NBPF11: variants seen among roughly 807,000 people sequenced by gnomAD.
The protein encoded by NBPF11 is NBPF family member NBPF11.
Under a neutral mutation model 93.9 loss-of-function variants are expected in NBPF11, and 72 were observed. The ratio of observed to expected loss-of-function variants is 0.77; its 90% CI spans 0.63 to 0.93. The LOEUF is 0.93. NBPF11 is among the 40% of genes least tolerant of loss of function. NBPF11 has a pLI of 0.00. For missense variants in NBPF11, 705 were observed against 802.2 expected (o/e 0.88, Z 1.46); for synonymous variants, 224 against 304.9 (o/e 0.73, Z 2.76).
chr1:148,113,180 G>A (rs1665716157), intron 15 of NBPF11, among the ~76,000 whole-genome samples: 2 of 152,106 alleles, frequency 1.3e-5, no homozygotes, highest in South Asian at 4.1e-4. Flanking sequence ...ATGGCAAATT[G>A]GATAAAGAGT....
intron 1 of NBPF11, among the ~76,000 whole-genome samples, chr1:148,150,855 G>C (rs1277344513): frequency 2.6e-5 from 4 of 151,532 alleles, no homozygotes; most frequent in African/African-American, 9.8e-5. Context: ...AGCCTCCCGA[G>C]TAGCTGGGAC....
intron 17 of NBPF11, 128 bp from the exon 18 acceptor site, chr1:148,108,782 C>A (rs1255463859): frequency 1.8e-5 from 12 of 664,668 alleles, no homozygotes; most frequent in Admixed American, 1.3e-4. Context: ...AATGAGGTAA[C>A]AAATTATTGC....
intron 3 of NBPF11, among the ~76,000 whole-genome samples, chr1:148,136,600 C>T (rs1671326689): frequency 6.6e-6 from 1 of 151,944 alleles, no homozygotes. Context: ...GAGGGTCAGT[C>T]CCAGGCTGTG....
chr1:148,138,039 G>C (rs1671618648), intron 2 of NBPF11, among the ~76,000 whole-genome samples: 1 of 151,300 alleles, frequency 6.6e-6, no homozygotes, highest in Admixed American at 6.6e-5. Flanking sequence ...TTTCCGGAGA[G>C]GGGGATGTGG....
intron 1 of NBPF11, among the ~76,000 whole-genome samples, chr1:148,150,361 C>T (rs1647978931): frequency 6.6e-6 from 1 of 150,420 alleles, no homozygotes; most frequent in Non-Finnish European, 1.5e-5. Flanking sequence ...ACCTTGGCCT[C>T]CCGAAATGCT....
At chr1:148,116,797 A>G (rs1294098194) in intron 12 of NBPF11, among the ~76,000 whole-genome samples, 2 of 152,072 alleles carry the variant, frequency 1.3e-5, no homozygotes, top group African/African-American at 4.8e-5. Flanking sequence ...AGGCTTGTGC[A>G]GCCTCTCTCT....
intron 4 of NBPF11, among the ~76,000 whole-genome samples, chr1:148,132,210 T>C (rs1174313624): frequency 1.5e-5 from 2 of 135,906 alleles, no homozygotes; most frequent in African/African-American, 5.8e-5. Flanking sequence ...TATATATATA[T>C]ATATACACAC....
At chr1:148,141,571 C>G (rs1389357573) in intron 2 of NBPF11, among the ~76,000 whole-genome samples, 4 of 151,970 alleles carry the variant, frequency 2.6e-5, no homozygotes, top group Non-Finnish European at 4.4e-5. Flanking sequence ...GTGCACCAAC[C>G]TGGAGTCAGA....
intron 5 of NBPF11, 51 bp from the exon 6 acceptor site, chr1:148,125,052 G>T (rs2149246997): frequency 7.8e-7 from 1 of 1,280,756 alleles, no homozygotes. Flanking sequence ...ACATGCTGCT[G>T]TGGTCACTGC....
intron 18 of NBPF11, among the ~76,000 whole-genome samples, 162 bp from the exon 19 acceptor site, chr1:148,107,924 GA>G (rs1664147759): frequency 6.6e-6 from 1 of 151,916 alleles, no homozygotes; most frequent in African/African-American, 2.4e-5. Flanking sequence ...TCATGATAGA[GA>G]TTCCTTGGTT....
chr1:148,118,162 T>G (rs1667002959), intron 11 of NBPF11, among the ~76,000 whole-genome samples: 2 of 144,230 alleles, frequency 1.4e-5, no homozygotes, highest in East Asian at 4.2e-4. Context: ...TGTACAGAAA[T>G]GAGGCCAGAT....
At chr1:148,146,172 C>G (rs1436217686) in intron 1 of NBPF11, among the ~76,000 whole-genome samples, 2 of 151,604 alleles carry the variant, frequency 1.3e-5, no homozygotes, top group Admixed American at 6.6e-5. Context: ...TCCCACGGCA[C>G]GACATGGAGA....
At chr1:148,141,799 G>T (rs2149292034) in intron 2 of NBPF11, among the ~76,000 whole-genome samples, 1 of 151,920 alleles carries the variant, frequency 6.6e-6, no homozygotes, top group African/African-American at 2.4e-5. Context: ...CAAATCAGAG[G>T]AGGAGGAGGC....
Position 148,147,542 on chromosome 1 carries a change from G to A in NBPF11, c.-548-3856C>T, listed in dbSNP as rs1244107791. On this transcript the variant is annotated intron_variant, in intron 1 of 23. Transcript: ENST00000682118. ...CAGCGCCCGGGCCAGTGCTGCTTTG[G>A]ACGAGGAGACCCGGCTGGGCCTCTG... Among the ~76,000 whole-genome samples the A allele has an allele frequency of 1.7e-4, 26 of 152,104 alleles. 3 individuals are homozygous for A. Among genetic ancestry groups the A allele is most frequent in the African/African-American group, 6.3e-4 (26 of 41,376 alleles).
chr1:148,150,594 G>A (rs1648038612), intron 1 of NBPF11, among the ~76,000 whole-genome samples: 1 of 151,732 alleles, frequency 6.6e-6, no homozygotes, highest in African/African-American at 2.4e-5. Context: ...ATGCATAACA[G>A]CTCAGAACAA....
intron 9 of NBPF11, among the ~76,000 whole-genome samples, 158 bp downstream of exon 9, chr1:148,121,897 C>T (rs1195980118): frequency 6.6e-6 from 1 of 151,942 alleles, no homozygotes; most frequent in East Asian, 1.9e-4. Context: ...CCACTTGGGC[C>T]TTCCAAAGTG....
intron 3 of NBPF11, among the ~76,000 whole-genome samples, chr1:148,136,431 A>G (rs1431826709): frequency 6.6e-6 from 1 of 151,622 alleles, no homozygotes; most frequent in African/African-American, 2.4e-5. Context: ...GGAATGGCTA[A>G]AGGAACAAAC....
intron 17 of NBPF11, 68 bp downstream of exon 17, chr1:148,109,216 G>C (rs1256887748): frequency 1.0e-5 from 10 of 958,826 alleles, no homozygotes; most frequent in Middle Eastern, 2.9e-4. Context: ...AGCGTGTACT[G>C]TTTTCCCTGG....
chr1:148,122,314 G>C (rs1389616618), intron 8 of NBPF11, 48 bp from the exon 9 acceptor site: 78 of 1,610,070 alleles, frequency 4.8e-5, no homozygotes, highest in Non-Finnish European at 6.2e-5. Flanking sequence ...AACACAGAGG[G>C]ATTGGACCCC....
Sources: gnomAD v4.1 joint callset for allele counts (sites outside exome capture counted in the v4.1 genomes callset) on GRCh38, gnomAD v4.1.1 for gene constraint, MANE v1.5 for transcripts, NCBI Gene and HGNC (gene_info 2026-07-23, HGNC 2026-07-21) for gene names.